IL1RAPL1: variants seen among roughly 807,000 people sequenced by gnomAD.
IL1RAPL1 encodes the protein interleukin 1 receptor accessory protein like 1, also known as interleukin-1 receptor accessory protein-like 1.
Under a neutral mutation model 48.4 loss-of-function variants are expected in IL1RAPL1, and 3 were observed. That is an observed-to-expected ratio of 0.06 (90% CI 0.03 to 0.16). The LOEUF is 0.16. Ranked by LOEUF, IL1RAPL1 falls within the 10% of genes least tolerant of loss-of-function variation. The pLI, the probability that IL1RAPL1 is intolerant of heterozygous loss-of-function variation, is 1.00. For synonymous variants in IL1RAPL1, 185 were observed against 187.7 expected (o/e 0.99, Z 0.12); for missense variants, 349 against 530.6 (o/e 0.66, Z 3.36).
chrX:29,693,838 G>A (rs1363708907), intron 6 of IL1RAPL1, among the ~76,000 whole-genome samples: 2 of 109,555 alleles, frequency 1.8e-5, no homozygotes, highest in African/African-American at 3.3e-5. Flanking sequence ...TTTGAATATG[G>A]TAGAGAAGGT....
chrX:28,741,655 G>A (rs923431158), intron 1 of IL1RAPL1, among the ~76,000 whole-genome samples: 1 of 111,523 alleles, frequency 9.0e-6, no homozygotes, highest in Non-Finnish European at 1.9e-5. Context: ...AAGACGAAGA[G>A]GATTTGTAAC....
chrX:28,615,078 C>T (rs947529868), intron 1 of IL1RAPL1, among the ~76,000 whole-genome samples: 4 of 109,013 alleles, frequency 3.7e-5, no homozygotes, highest in Admixed American at 2.0e-4. Context: ...TTAGTAGAGA[C>T]GGGGTTTCAC....
chrX:29,408,564 A>C (rs1471146513), intron 5 of IL1RAPL1, among the ~76,000 whole-genome samples: 2 of 111,718 alleles, frequency 1.8e-5, no homozygotes, highest in African/African-American at 6.5e-5. Context: ...AAGTGAAGAA[A>C]GGAAAACTGA....
intron 2 of IL1RAPL1, among the ~76,000 whole-genome samples, chrX:29,177,821 C>A (rs1930057128): frequency 9.0e-6 from 1 of 111,279 alleles, no homozygotes; most frequent in Admixed American, 9.6e-5. Flanking sequence ...TCAGTTCCCA[C>A]TTATGAGTGA....
intron 2 of IL1RAPL1, among the ~76,000 whole-genome samples, chrX:28,950,671 G>A (rs1924434112): frequency 9.2e-6 from 1 of 108,912 alleles, no homozygotes; most frequent in African/African-American, 3.4e-5. Flanking sequence ...TACACTGTTG[G>A]TGGGACTGTA....
chrX:29,028,927 A>G (rs1235377502), intron 2 of IL1RAPL1, among the ~76,000 whole-genome samples: 1 of 111,061 alleles, frequency 9.0e-6, no homozygotes, highest in Non-Finnish European at 1.9e-5. Context: ...TCATACTGAT[A>G]TAAAGAACTG....
intron 3 of IL1RAPL1, among the ~76,000 whole-genome samples, chrX:29,345,301 G>C (rs768824147): frequency 9.0e-6 from 1 of 111,639 alleles, no homozygotes; most frequent in Admixed American, 9.5e-5. Context: ...TAGGATATGA[G>C]AATTCACAGC....
intron 2 of IL1RAPL1, among the ~76,000 whole-genome samples, chrX:29,121,028 C>A (rs1447108398): frequency 1.8e-5 from 2 of 111,930 alleles, no homozygotes; most frequent in Non-Finnish European, 3.8e-5. Context: ...GCATGTGACA[C>A]ATCCCAAAAC....
intron 3 of IL1RAPL1, 26 bp from the exon 4 acceptor site, chrX:29,396,232 A>G (rs774699217): frequency 1.7e-6 from 2 of 1,155,299 alleles, no homozygotes; most frequent in Non-Finnish European, 2.4e-6. Context: ...ACACCAGGTC[A>G]CTGTATTTAT....
Position 28,830,992 on chromosome X carries a change from T to TTCTCTCTCTCTCTCTCTC in IL1RAPL1, c.82+41585_82+41602dup, listed in dbSNP as rs1160527555. On this transcript the variant is annotated intron_variant, in intron 2 of 10. Coordinates refer to ENST00000378993, the MANE Select transcript of IL1RAPL1 (RefSeq NM_014271.4). ...AATTCTCCCAACCTTTGCCCAGGGT[T>TTCTCTCTCTCTCTCTCTC]TCTCTCTCTCTCTCTCTCTCTCTCT... Among the ~76,000 whole-genome samples the TTCTCTCTCTCTCTCTCTC allele has an allele frequency of 2.2e-3, 35 of 16,057 alleles. 1 individual carries two copies. Among genetic ancestry groups the TTCTCTCTCTCTCTCTCTC allele is most frequent in the East Asian group, 3.8e-3 (2 of 531 alleles). The allele number at this position is 16,057 out of a possible 115,157, so 13.9% of individuals were successfully genotyped here.
intron 6 of IL1RAPL1, among the ~76,000 whole-genome samples, chrX:29,758,867 A>G (rs1264772604): frequency 9.0e-6 from 1 of 111,466 alleles, no homozygotes; most frequent in Non-Finnish European, 1.9e-5. Flanking sequence ...ACTGTTGGTT[A>G]TTATTGAGAG....
chrX:28,591,642 CTTTT>C lies in IL1RAPL1; in HGVS notation c.-25+3597_-25+3600del, dbSNP rs199518196. ...CAGCTATAGGTAAGGTCGCGTCAGC[CTTTT>C]TATTACTAAATTCCAACCCTATTTC... On this transcript the variant is annotated intron_variant, in intron 1 of 10. Coordinates refer to ENST00000378993, the MANE Select transcript of IL1RAPL1 (RefSeq NM_014271.4). Among the ~76,000 whole-genome samples the C allele has an allele frequency of 7.5e-3, 835 of 111,388 alleles. 8 individuals are homozygous for C. The highest frequency in any genetic ancestry group is 0.023 in the African/African-American group (718 of 30,676).
At chrX:28,987,268 G>T (rs1014283452) in intron 2 of IL1RAPL1, among the ~76,000 whole-genome samples, 1 of 112,317 alleles carries the variant, frequency 8.9e-6, no homozygotes, top group Non-Finnish European at 1.9e-5. Context: ...TCTCCATGCT[G>T]TGTGGGAAAA....
intron 6 of IL1RAPL1, among the ~76,000 whole-genome samples, chrX:29,852,534 T>C (rs932788089): frequency 8.9e-6 from 1 of 112,071 alleles, no homozygotes; most frequent in Non-Finnish European, 1.9e-5. Flanking sequence ...CTAACATTGT[T>C]ACACAAATTT....
chrX:29,734,044 C>T (rs1159539336), intron 6 of IL1RAPL1, among the ~76,000 whole-genome samples: 1 of 112,744 alleles, frequency 8.9e-6, no homozygotes, highest in Non-Finnish European at 1.9e-5. Context: ...GGAAGATTTG[C>T]TCACTTAGGT....
intron 2 of IL1RAPL1, among the ~76,000 whole-genome samples, chrX:29,149,469 G>A (rs773431609): frequency 2.8e-4 from 31 of 111,658 alleles, no homozygotes; most frequent in Admixed American, 4.8e-4. Context: ...TTGTCCCATC[G>A]TCTGATGGCC....
At chrX:29,591,922 C>T (rs1923387712) in intron 5 of IL1RAPL1, among the ~76,000 whole-genome samples, 1 of 112,061 alleles carries the variant, frequency 8.9e-6, no homozygotes, top group Non-Finnish European at 1.9e-5. Context: ...CCCAAATCCT[C>T]TGACCTGCTA....
intron 1 of IL1RAPL1, among the ~76,000 whole-genome samples, chrX:28,768,199 T>A (rs1022025585): frequency 1.8e-5 from 2 of 111,705 alleles, no homozygotes; most frequent in African/African-American, 6.5e-5. Context: ...ACAGGCCTAG[T>A]TCAACAAAAT....
At chrX:29,510,381 C>T (rs191754527) in intron 5 of IL1RAPL1, among the ~76,000 whole-genome samples, 2 of 111,991 alleles carry the variant, frequency 1.8e-5, no homozygotes, top group African/African-American at 6.5e-5. Context: ...TGAAAGGTGG[C>T]ATTTGTTCTA....
Sources: gnomAD v4.1 joint callset for allele counts (sites outside exome capture counted in the v4.1 genomes callset) on GRCh38, gnomAD v4.1.1 for gene constraint, MANE v1.5 for transcripts, NCBI Gene and HGNC (gene_info 2026-07-23, HGNC 2026-07-21) for gene names.